The following ESRRG variants were observed in gnomAD, a reference collection of about 807,000 sequenced individuals.
ESRRG encodes estrogen-related receptor gamma.
In ESRRG, 13 loss-of-function variants were observed where a neutral mutation model predicts 44.0. The observed-to-expected ratio is 0.30, with a 90% CI of 0.19 to 0.47. The LOEUF (loss-of-function observed/expected upper bound fraction) is 0.47, where lower values mean the gene tolerates loss of function less well. Among genes scored for constraint, ESRRG ranks in the 20% least tolerant of loss-of-function variants. The pLI, the probability that ESRRG is intolerant of heterozygous loss-of-function variation, is 1.00. For missense variants in ESRRG, 395 were observed against 580.6 expected (o/e 0.68, Z 3.29); for synonymous variants, 215 against 214.6 (o/e 1.00, Z -0.02).
intron 5 of ESRRG, 58 bp from the exon 6 acceptor site, chr1:216,519,479 A>G: frequency 6.7e-7 from 1 of 1,491,504 alleles, no homozygotes. Flanking sequence ...ATAATGCAAC[A>G]TTAGTTTCAT....
intron 2 of ESRRG, chr1:216,864,344 A>AAC (rs1431087650): frequency 1.3e-5 from 2 of 152,068 alleles, no homozygotes; most frequent in East Asian, 3.9e-4. Context: ...AAAAAAAAAA[A>AAC]AAAAAACAGC....
At position 216,875,564 on chromosome 1, in the gene ESRRG, T is replaced by C. The variant is rs1206008418; in HGVS notation, c.-14+64018A>G. ...AGGTTACATTTGTGAGATCCAACCT[T>C]ATTGCATATAGCACAGTGGTTGATT... On this transcript the variant is annotated intron_variant, in intron 2 of 7. Coordinates refer to the ESRRG transcript ENST00000359162. 3.9e-5 allele frequency among the ~76,000 whole-genome samples: 6 copies of C among 152,282 alleles called. No individual in the cohort carries two copies. In the South Asian group the frequency reaches 6.2e-4, roughly 16 times the overall value.
intron 5 of ESRRG, among the ~76,000 whole-genome samples, chr1:216,553,050 C>T (rs1419495487): frequency 6.6e-6 from 1 of 151,996 alleles, no homozygotes; most frequent in Non-Finnish European, 1.5e-5. Context: ...TGAGGACACC[C>T]TGCCACTGGG....
At chr1:216,659,500 C>T (rs1229757740) in intron 2 of ESRRG, among the ~76,000 whole-genome samples, 1 of 152,166 alleles carries the variant, frequency 6.6e-6, no homozygotes, top group African/African-American at 2.4e-5. Flanking sequence ...CTGATTAGAA[C>T]AGAGGACAAA....
chr1:216,884,340 C>T (rs910464113), intron 2 of ESRRG, among the ~76,000 whole-genome samples: 8 of 152,236 alleles, frequency 5.3e-5, no homozygotes, highest in Non-Finnish European at 2.9e-5. Context: ...TTGTTACACA[C>T]ACGATTCCAG....
intron 1 of ESRRG, among the ~76,000 whole-genome samples, chr1:216,682,709 A>AGTGTGTGTGTGTGTGTGTGCGT (rs140713240): frequency 2.1e-5 from 3 of 144,662 alleles, no homozygotes; most frequent in Non-Finnish European, 4.5e-5. Context: ...AATACTCTAT[A>AGTGTGTGTGTGTGTGTGTGCGT]GTGTGTGTGT....
chr1:216,915,773 A>G (rs2061085831), intron 2 of ESRRG, among the ~76,000 whole-genome samples: 2 of 152,172 alleles, frequency 1.3e-5, no homozygotes, highest in East Asian at 1.9e-4. Flanking sequence ...AGGAATGTCT[A>G]TTTCGGCAAA....
intron 3 of ESRRG, among the ~76,000 whole-genome samples, chr1:216,594,749 T>C (rs1056601845): frequency 3.3e-5 from 5 of 152,224 alleles, no homozygotes; most frequent in Admixed American, 1.3e-4. Context: ...AAAGACAGCA[T>C]CACTAAAAGA....
At chr1:216,894,523 A>T (rs2058188019) in intron 2 of ESRRG, among the ~76,000 whole-genome samples, 1 of 152,148 alleles carries the variant, frequency 6.6e-6, no homozygotes, top group Non-Finnish European at 1.5e-5. Context: ...TCTTGGTGGC[A>T]TCTAATCTCT....
At chr1:217,120,189 C>A (rs1399826702) in intron 1 of ESRRG, among the ~76,000 whole-genome samples, 2 of 152,176 alleles carry the variant, frequency 1.3e-5, no homozygotes, top group Non-Finnish European at 2.9e-5. Flanking sequence ...TTCCATGCCT[C>A]CATGACCACC....
At chr1:216,512,945 G>A (rs564453490) in intron 6 of ESRRG, among the ~76,000 whole-genome samples, 12 of 152,260 alleles carry the variant, frequency 7.9e-5, no homozygotes, top group South Asian at 4.1e-4. Flanking sequence ...CAGCACCAAG[G>A]AATTCAGGCC....
At chr1:216,950,506 A>G (rs2066776226) in intron 1 of ESRRG, among the ~76,000 whole-genome samples, 1 of 152,220 alleles carries the variant, frequency 6.6e-6, no homozygotes, top group African/African-American at 2.4e-5. Context: ...CAACAAAAGA[A>G]ATCAAGCTTA....
rs971371673 is a variant in ESRRG at position 216,504,163 on chromosome 1, C to T, written c.*2776G>A. The T allele has an allele frequency of 1.3e-5, 2 of 152,316 alleles. No individual in the cohort carries two copies. The highest frequency in any genetic ancestry group is 6.6e-5 in the Admixed American group (1 of 15,258). The allele number at this position is 152,316 out of a possible 1,614,324, so 9.4% of individuals were successfully genotyped here. A position where few individuals can be genotyped will look rare whatever the true frequency, so the allele number is the denominator to read the frequency against. On this transcript the variant is annotated 3_prime_UTR_variant, in exon 7 of 7. Coordinates refer to ENST00000408911, the MANE Select transcript of ESRRG (RefSeq NM_001438.4). ...GGCTCTTACTTCTGAAGCCCAAGTA[C>T]TTTAATGTGATACAGTGAAAACAAT... is the stretch of plus-strand genomic sequence containing the variant.
chr1:216,956,084 G>C (rs1010399233), intron 1 of ESRRG, among the ~76,000 whole-genome samples: 2 of 152,022 alleles, frequency 1.3e-5, no homozygotes, highest in African/African-American at 4.8e-5. Context: ...TGCTGTCTGT[G>C]TTTTTACAGT....
chr1:217,040,440 T>C (rs2083649014), intron 1 of ESRRG, among the ~76,000 whole-genome samples: 1 of 152,172 alleles, frequency 6.6e-6, no homozygotes, highest in African/African-American at 2.4e-5. Flanking sequence ...TCACCTGCCC[T>C]TGGACTAGAA....
chr1:216,568,137 G>T (rs560387841), intron 3 of ESRRG, 39 bp from the exon 4 acceptor site: 4 of 1,436,024 alleles, frequency 2.8e-6, no homozygotes, highest in Non-Finnish European at 3.9e-6. Flanking sequence ...TATTAAGGTA[G>T]CTATGTTTGA....
intron 2 of ESRRG, among the ~76,000 whole-genome samples, chr1:216,848,101 C>T (rs1247166284): frequency 1.3e-5 from 2 of 152,086 alleles, no homozygotes; most frequent in Non-Finnish European, 1.5e-5. Context: ...CCAAAAATGA[C>T]TCCAGATATT....
rs954540921 is a variant in ESRRG at position 216,760,754 on chromosome 1, A to G, written c.-13-83263T>C. 2.0e-5 allele frequency among the ~76,000 whole-genome samples: 3 copies of G among 152,122 alleles called. No homozygotes were observed. The East Asian group carries it at 5.8e-4, about 29-fold the overall frequency. ...TACACTTTTCATGTTTTGCAGTTTT[A>G]ACCAGGAAAATCACTATTTTATTAA... On this transcript the variant is annotated intron_variant, in intron 2 of 7. Coordinates refer to the ESRRG transcript ENST00000359162.
chr1:216,880,423 G>A (rs2096428463), intron 2 of ESRRG, among the ~76,000 whole-genome samples: 1 of 143,326 alleles, frequency 7.0e-6, no homozygotes, highest in Admixed American at 7.2e-5. Flanking sequence ...AGATAATTTT[G>A]TCTAGCATTT....
Sources: gnomAD v4.1 joint callset for allele counts (sites outside exome capture counted in the v4.1 genomes callset) on GRCh38, gnomAD v4.1.1 for gene constraint, MANE v1.5 for transcripts, NCBI Gene and HGNC (gene_info 2026-07-23, HGNC 2026-07-21) for gene names.